The following FAM237A variants were observed in gnomAD, a reference collection of about 807,000 sequenced individuals.
FAM237A encodes family with sequence similarity 237 member A.
In FAM237A, 14 loss-of-function variants were observed where a neutral mutation model predicts 12.5. The observed-to-expected ratio is 1.12, with a 90% CI of 0.74 to 1.75. FAM237A has a LOEUF of 1.75. Among genes scored for constraint, FAM237A ranks in the 40% most tolerant of loss-of-function variants. The probability of loss-of-function intolerance (pLI) is 0.00; values close to 1 mark genes in which losing one functional copy is unlikely to be tolerated. For missense variants in FAM237A, 240 were observed against 211.7 expected, an observed-to-expected ratio of 1.13 and a Z score of -0.83; for synonymous variants, 85 against 77.5, an observed-to-expected ratio of 1.10 and a Z score of -0.51.
Position 206,648,925 on chromosome 2 carries a change from A to C in FAM237A, c.*131A>C. ...GATAAATATGAACCCAAATTCTCTC[A>C]GTATACTAATTTAAAGCTGCCTTCT... On this transcript the variant is annotated 3_prime_UTR_variant, in exon 3 of 3. Coordinates refer to ENST00000441223, the MANE Select transcript of FAM237A (RefSeq NM_001102659.3). 1.6e-6 allele frequency: 1 copy of C among 616,474 alleles called. No homozygotes were observed. The highest frequency in any genetic ancestry group is 2.4e-6 in the Non-Finnish European group (1 of 413,402). The allele number at this position is 616,474 out of a possible 1,614,324, so 38.2% of individuals were successfully genotyped here.
At chr2:206,643,822 A>G (rs1699283081) in intron 1 of FAM237A, among the ~76,000 whole-genome samples, 1 of 152,238 alleles carries the variant, frequency 6.6e-6, no homozygotes, top group East Asian at 1.9e-4. Context: ...TTAATTATAT[A>G]TAAGTCCTAG....
chr2:206,645,500 T>C (rs1699307167), intron 2 of FAM237A, among the ~76,000 whole-genome samples: 1 of 152,170 alleles, frequency 6.6e-6, no homozygotes, highest in South Asian at 2.1e-4. Context: ...TGAGTGCCAG[T>C]AACTCTTTAG....
chr2:206,643,684 T>C (rs1216246341), intron 1 of FAM237A, among the ~76,000 whole-genome samples: 2 of 152,248 alleles, frequency 1.3e-5, no homozygotes, highest in Non-Finnish European at 2.9e-5. Flanking sequence ...CATATATTCA[T>C]CCATACTTTT....
chr2:206,645,311 C>G (rs1318258245), intron 2 of FAM237A, among the ~76,000 whole-genome samples: 2 of 152,088 alleles, frequency 1.3e-5, no homozygotes, highest in Non-Finnish European at 2.9e-5. Flanking sequence ...GAAGTAAATA[C>G]TATATTCAAA....
intron 2 of FAM237A, 114 bp from the exon 3 acceptor site, chr2:206,648,547 T>G (rs1184093102): frequency 2.9e-6 from 3 of 1,038,298 alleles, no homozygotes; most frequent in Non-Finnish European, 4.1e-6. Context: ...ATAGAGAATT[T>G]TGATATTGGA....
intron 1 of FAM237A, among the ~76,000 whole-genome samples, chr2:206,643,957 G>C (rs1699284965): frequency 6.6e-6 from 1 of 152,174 alleles, no homozygotes; most frequent in Non-Finnish European, 1.5e-5. Context: ...CAGATTAGCA[G>C]ATTAATTTAT....
Position 206,648,677 on chromosome 2 carries a change from C to A in FAM237A, c.429C>A (p.Leu143=), listed in dbSNP as rs747017446. The change falls in exon 3 of 3, where the codon CTC becomes CTA. Residue 143 remains leucine (L), a synonymous_variant. Coordinates refer to ENST00000441223, the MANE Select transcript of FAM237A (RefSeq NM_001102659.3). Reference sequence around the variant, plus strand: ...TACTTTCAGGTACATATTCTCAGCTCCTAAGGACCTCCTTCCTAAAGAAGA... The same window carrying A: ...TACTTTCAGGTACATATTCTCAGCTACTAAGGACCTCCTTCCTAAAGAAGA... ...TRSKQGTYSQ[L]LRTSFLKKKE... is the part of the protein sequence containing the mutation. The A allele has an allele frequency of 1.7e-5, 27 of 1,592,510 alleles. No homozygotes were observed. Among genetic ancestry groups the A allele is most frequent in the Non-Finnish European group, 2.3e-5 (27 of 1,169,590 alleles).
Position 206,644,274 on chromosome 2 carries a change from C to A in FAM237A, c.38C>A (p.Pro13His), listed in dbSNP as rs538257401. ...DPGNRGGIHR[P>H]LSFTCSLLIV... ...GGGAACAGAGGAGGGATCCACCGCC[C>A]CTTGAGCTTCACCTGCTCCCTGCTC... The change falls in exon 2 of 3, where the codon CCC (proline) becomes CAC (histidine). Residue 13 changes from proline (P) to histidine (H), a missense_variant. Transcript: ENST00000441223. 1 of 1,611,256 alleles carries A rather than the reference C, an allele frequency of 6.2e-7. No homozygotes were observed. Among genetic ancestry groups the A allele is most frequent in the South Asian group, 1.1e-5 (1 of 90,548 alleles).
chr2:206,646,231 A>T (rs1340180453), intron 2 of FAM237A, among the ~76,000 whole-genome samples: 1 of 151,754 alleles, frequency 6.6e-6, no homozygotes, highest in Non-Finnish European at 1.5e-5. Flanking sequence ...TGAACCCGGG[A>T]GGCGGAGCTT....
rs1699355548 is a variant in FAM237A at position 206,649,170 on chromosome 2, C to A, written c.*376C>A. Reference sequence around the variant, plus strand: ...ACTGCATGGCTTCCAAGACTTCAACCACTGGATTGCTTATGCACAGGCACA... The same window carrying A: ...ACTGCATGGCTTCCAAGACTTCAACAACTGGATTGCTTATGCACAGGCACA... On this transcript the variant is annotated 3_prime_UTR_variant, in exon 3 of 3. Coordinates refer to ENST00000441223, the MANE Select transcript of FAM237A (RefSeq NM_001102659.3). Among the ~76,000 whole-genome samples, 1 of 152,106 alleles carries A rather than the reference C, an allele frequency of 6.6e-6. No individual in the cohort carries two copies. The highest frequency in any genetic ancestry group is 2.4e-5 in the African/African-American group (1 of 41,428).
At position 206,644,281 on chromosome 2, in the gene FAM237A, C is replaced by A. The variant is rs781566817; in HGVS notation, c.45C>A (p.Ser15Arg). ...GAGGAGGGATCCACCGCCCCTTGAG[C>A]TTCACCTGCTCCCTGCTCATTGTGG... ...GNRGGIHRPL[S>R]FTCSLLIVGM... The change falls in exon 2 of 3, where the codon AGC becomes AGA. Residue 15 changes from serine to arginine, a missense_variant. Transcript: ENST00000441223. The A allele has an allele frequency of 6.2e-7, 1 of 1,611,954 alleles. No homozygotes were observed. Among genetic ancestry groups the A allele is most frequent in the Non-Finnish European group, 8.5e-7 (1 of 1,178,916 alleles).
chr2:206,644,287 C>T lies in FAM237A; in HGVS notation c.51C>T (p.Thr17=). ...RGGIHRPLSF[T]CSLLIVGMCC... ...GGATCCACCGCCCCTTGAGCTTCAC[C>T]TGCTCCCTGCTCATTGTGGGAATGT... Residue 17 remains threonine, a synonymous_variant, in exon 2 of 3, where the codon ACC becomes ACT. Transcript: ENST00000441223. The T allele has an allele frequency of 6.2e-7, 1 of 1,612,744 alleles. No homozygotes were observed. Among genetic ancestry groups the T allele is most frequent in the South Asian group, 1.1e-5 (1 of 90,750 alleles).
At chr2:206,645,149 T>C (rs568204443) in intron 2 of FAM237A, among the ~76,000 whole-genome samples, 3 of 152,298 alleles carry the variant, frequency 2.0e-5, no homozygotes, top group East Asian at 3.9e-4. Flanking sequence ...AGGTATTCAG[T>C]TGAAGAAATA....
chr2:206,646,302 TAAAA>T (rs199557802), intron 2 of FAM237A, among the ~76,000 whole-genome samples: 2 of 142,676 alleles, frequency 1.4e-5, no homozygotes, highest in Non-Finnish European at 3.1e-5. Flanking sequence ...GACTCTATCT[TAAAA>T]AAAAAAAAAA....
Position 206,644,407 on chromosome 2 carries a change from C to G in FAM237A, c.171C>G (p.Leu57=). 6.2e-7 allele frequency: 1 copy of G among 1,613,874 alleles called. No homozygotes were observed. The highest frequency in any genetic ancestry group is 8.5e-7 in the Non-Finnish European group (1 of 1,179,834). Reference sequence around the variant, plus strand: ...GCTGGGAATCCTCCTCAGTGCTTCTCCTGGAAATGTGGAAACCTCGCGTTT... The same window carrying G: ...GCTGGGAATCCTCCTCAGTGCTTCTGCTGGAAATGTGGAAACCTCGCGTTT... The part of the protein sequence containing the change: ...PQCWESSSVL[L]LEMWKPRVSN... The change falls in exon 2 of 3, where the codon CTC becomes CTG. Residue 57 remains leucine (L), a synonymous_variant. Transcript: ENST00000441223.
At chr2:206,644,178 G>C in intron 1 of FAM237A, 49 bp from the exon 2 acceptor site, 1 of 1,469,728 alleles carries the variant, frequency 6.8e-7, no homozygotes, top group Non-Finnish European at 9.1e-7. Context: ...TTTCTTTACT[G>C]AGCAGAGCAC....
chr2:206,644,471 C>A lies in FAM237A; in HGVS notation c.235C>A (p.Leu79Met), dbSNP rs777512427. The A allele has an allele frequency of 6.2e-7, 1 of 1,614,002 alleles. No individual in the cohort carries two copies. The highest frequency in any genetic ancestry group is 8.5e-7 in the Non-Finnish European group (1 of 1,179,880). ...AGGCTTCTGGGATTTTATGATCTAC[C>A]TGAAGTCATCTGAGAACTTGAAGCA... is the stretch of plus-strand genomic sequence containing the variant. ...VSGFWDFMIYLKSSENLKHGA... is the reference protein window; with the variant it reads ...VSGFWDFMIYMKSSENLKHGA... The change falls in exon 2 of 3, where the codon CTG becomes ATG. Residue 79 changes from leucine to methionine, a missense_variant. Leu to Met is a conservative substitution (Grantham distance 15, BLOSUM62 2). Coordinates refer to ENST00000441223, the MANE Select transcript of FAM237A (RefSeq NM_001102659.3).
In FAM237A at chr2:206,648,805, G is replaced by C; in HGVS notation, c.*11G>C. The C allele has an allele frequency of 2.6e-6, 4 of 1,519,306 alleles. No individual in the cohort carries two copies. Among genetic ancestry groups the C allele is most frequent in the Non-Finnish European group, 3.5e-6 (4 of 1,132,880 alleles). The allele number at this position is 1,519,306 out of a possible 1,614,324, so 94.1% of individuals were successfully genotyped here. On this transcript the variant is annotated 3_prime_UTR_variant, in exon 3 of 3. Coordinates refer to ENST00000441223, the MANE Select transcript of FAM237A (RefSeq NM_001102659.3). ...ATAAAGAGAAAATAAATTGAACTCGGAGCTAATTCATGCCTTGGAATTAAA... is the reference window on the plus strand; with the variant it reads ...ATAAAGAGAAAATAAATTGAACTCGCAGCTAATTCATGCCTTGGAATTAAA...
Position 206,648,911 on chromosome 2 carries a change from A to G in FAM237A, c.*117A>G. On this transcript the variant is annotated 3_prime_UTR_variant, in exon 3 of 3. Coordinates refer to ENST00000441223, the MANE Select transcript of FAM237A (RefSeq NM_001102659.3). ...TGGGAATGCCCAGAGATAAATATGA[A>G]CCCAAATTCTCTCAGTATACTAATT... 1.3e-6 allele frequency: 1 copy of G among 757,916 alleles called. No homozygotes were observed. Among genetic ancestry groups the G allele is most frequent in the Non-Finnish European group, 1.9e-6 (1 of 534,610 alleles). The allele number at this position is 757,916 out of a possible 1,614,324, so 46.9% of individuals were successfully genotyped here.
Sources: allele counts gnomAD v4.1 joint callset (sites outside exome capture counted in the v4.1 genomes callset), GRCh38; gene constraint gnomAD v4.1.1; transcripts MANE v1.5; gene names NCBI Gene and HGNC (gene_info 2026-07-23, HGNC 2026-07-21).